The following ENOX1 variants were observed in gnomAD, a reference collection of about 807,000 sequenced individuals.
The protein encoded by ENOX1 is ecto-NOX disulfide-thiol exchanger 1.
In ENOX1, 42 loss-of-function variants were observed where a neutral mutation model predicts 82.5. The observed-to-expected ratio is 0.51, with a 90% CI of 0.40 to 0.66. The LOEUF is 0.66. ENOX1 is among the 30% of genes least tolerant of loss of function. The pLI is 0.00. For missense variants in ENOX1, 608 were observed against 811.6 expected, an observed-to-expected ratio of 0.75 and a Z score of 3.05; for synonymous variants, 271 against 282.2, an observed-to-expected ratio of 0.96 and a Z score of 0.40.
At chr13:43,245,209 A>G in intron 14 of ENOX1, among the ~76,000 whole-genome samples, 1 of 152,140 alleles carries the variant, frequency 6.6e-6, no homozygotes, top group East Asian at 1.9e-4. Context: ...CACTGGTTCT[A>G]TTTGCCGCTG....
chr13:43,712,401 G>T (rs1031608510), intron 1 of ENOX1, among the ~76,000 whole-genome samples: 6 of 152,080 alleles, frequency 3.9e-5, no homozygotes, highest in Non-Finnish European at 7.4e-5. Flanking sequence ...ACTTGGCGAT[G>T]TGGGCTCTTT....
chr13:43,326,638 C>G, intron 9 of ENOX1, 113 bp from the exon 10 acceptor site: 2 of 815,294 alleles, frequency 2.5e-6, no homozygotes, highest in Non-Finnish European at 4.2e-6. Context: ...GAAACAACAT[C>G]ATCAATATCC....
At chr13:43,380,396 G>T (rs1440123526) in intron 5 of ENOX1, among the ~76,000 whole-genome samples, 1 of 151,444 alleles carries the variant, frequency 6.6e-6, no homozygotes, top group African/African-American at 2.4e-5. Flanking sequence ...TAATACAAAA[G>T]TATATAGTTC....
At chr13:43,220,986 G>A (rs2041756789) in intron 16 of ENOX1, among the ~76,000 whole-genome samples, 2 of 152,172 alleles carry the variant, frequency 1.3e-5, no homozygotes, top group African/African-American at 4.8e-5. Flanking sequence ...TAAATTTTGT[G>A]TTTGCAGAGG....
At chr13:43,731,116 A>C (rs1352404363) in intron 1 of ENOX1, among the ~76,000 whole-genome samples, 6 of 152,226 alleles carry the variant, frequency 3.9e-5, no homozygotes, top group Non-Finnish European at 8.8e-5. Flanking sequence ...TGACAAGCAC[A>C]GACCCACTAA....
chr13:43,284,687 T>C (rs2045584657), intron 12 of ENOX1, among the ~76,000 whole-genome samples: 1 of 152,158 alleles, frequency 6.6e-6, no homozygotes, highest in South Asian at 2.1e-4. Flanking sequence ...CACTCTTCCT[T>C]GGAAACTTAC....
chr13:43,220,041 A>G (rs1213621843), intron 16 of ENOX1, among the ~76,000 whole-genome samples: 2 of 152,212 alleles, frequency 1.3e-5, no homozygotes, highest in Non-Finnish European at 2.9e-5. Context: ...AAATGTTCAC[A>G]GAGAGAAATA....
chr13:43,346,476 CTGTGAA>C (rs2153547019), intron 8 of ENOX1, among the ~76,000 whole-genome samples: 1 of 152,322 alleles, frequency 6.6e-6, no homozygotes, highest in East Asian at 1.9e-4. Flanking sequence ...ACAAAACACC[CTGTGAA>C]TGACAGACTC....
chr13:43,538,849 G>T (rs980639936), intron 2 of ENOX1, among the ~76,000 whole-genome samples: 1 of 151,930 alleles, frequency 6.6e-6, no homozygotes, highest in African/African-American at 2.4e-5. Flanking sequence ...TTTTGGAGAC[G>T]GGGTCTCACT....
chr13:43,765,846 G>C (rs1340230113), intron 1 of ENOX1, among the ~76,000 whole-genome samples: 2 of 152,072 alleles, frequency 1.3e-5, no homozygotes, highest in African/African-American at 4.8e-5. Context: ...TTATAATAAA[G>C]ATAGTAATGT....
chr13:43,300,824 G>C (rs1201830713), intron 11 of ENOX1, among the ~76,000 whole-genome samples: 1 of 152,130 alleles, frequency 6.6e-6, no homozygotes, highest in Non-Finnish European at 1.5e-5. Context: ...ATTTCATTTG[G>C]TGTATGTGTG....
intron 3 of ENOX1, among the ~76,000 whole-genome samples, chr13:43,461,534 T>C (rs930836462): frequency 1.3e-5 from 2 of 152,226 alleles, no homozygotes; most frequent in Admixed American, 1.3e-4. Context: ...TCACGGACTC[T>C]ATAAGTAGAA....
intron 2 of ENOX1, among the ~76,000 whole-genome samples, chr13:43,529,188 G>A (rs2078106600): frequency 6.6e-6 from 1 of 151,992 alleles, no homozygotes; most frequent in South Asian, 2.1e-4. Context: ...GTAGCATGAT[G>A]AAATCTTGCA....
At chr13:43,463,918 C>T (rs1204341451) in intron 3 of ENOX1, among the ~76,000 whole-genome samples, 2 of 152,212 alleles carry the variant, frequency 1.3e-5, no homozygotes, top group Non-Finnish European at 2.9e-5. Context: ...TGAATACCTA[C>T]TATGTGCAGG....
At chr13:43,401,796 A>T (rs1238513724) in intron 5 of ENOX1, among the ~76,000 whole-genome samples, 1 of 152,208 alleles carries the variant, frequency 6.6e-6, no homozygotes, top group Non-Finnish European at 1.5e-5. Flanking sequence ...GGATGAAATT[A>T]TCTCCAGTCT....
In ENOX1 at chr13:43,754,035, T is replaced by G. The variant is rs9567259; in HGVS notation, c.-285+32617A>C. Among the ~76,000 whole-genome samples the G allele has an allele frequency of 1.6e-5, 2 of 126,080 alleles. 1 individual carries two copies. The highest frequency in any genetic ancestry group is 1.6e-4 in the Admixed American group (2 of 12,492). 82.7% of individuals were successfully genotyped at this position (126,080 alleles called of 152,430 possible). On this transcript the variant is annotated intron_variant, in intron 1 of 16. Coordinates refer to ENST00000690772, the MANE Select transcript of ENOX1 (RefSeq NM_001347969.2). Reference sequence around the variant, plus strand: ...GTATACACATATATATACATATATATGTATATAAATACACATATATATACA... The same window carrying G: ...GTATACACATATATATACATATATAGGTATATAAATACACATATATATACA...
chr13:43,447,456 A>G (rs923902219), intron 3 of ENOX1, among the ~76,000 whole-genome samples: 4 of 152,122 alleles, frequency 2.6e-5, no homozygotes, highest in African/African-American at 9.7e-5. Flanking sequence ...ATGGAAGTCT[A>G]TCAGATGGAC....
At chr13:43,696,091 A>G (rs694480) in intron 1 of ENOX1, among the ~76,000 whole-genome samples, 2 of 152,026 alleles carry the variant, frequency 1.3e-5, no homozygotes, top group South Asian at 4.1e-4. Context: ...ATGTCTTCAA[A>G]GTTCATCTAT....
chr13:43,310,831 A>G (rs1449402256), intron 11 of ENOX1, among the ~76,000 whole-genome samples: 2 of 151,960 alleles, frequency 1.3e-5, no homozygotes, highest in Non-Finnish European at 2.9e-5. Flanking sequence ...TAATTCAATC[A>G]AGGTCACCTC....
Sources: gnomAD v4.1 joint callset for allele counts (sites outside exome capture counted in the v4.1 genomes callset) on GRCh38, gnomAD v4.1.1 for gene constraint, MANE v1.5 for transcripts, NCBI Gene and HGNC (gene_info 2026-07-23, HGNC 2026-07-21) for gene names.